MAP1LC3B2: variants seen among roughly 807,000 people sequenced by gnomAD.
MAP1LC3B2 encodes microtubule associated protein 1 light chain 3 beta 2, also known as microtubule-associated protein 1 light chain 3 beta 2.
For synonymous variants in MAP1LC3B2, 62 were observed against 57.8 expected (o/e 1.07, Z -0.33); for missense variants, 155 against 154.6 (o/e 1.00, Z -0.01).
At position 116,576,048 on chromosome 12, in the gene MAP1LC3B2, G is replaced by C. The variant is rs1298028000; in HGVS notation, c.106G>C (p.Glu36Gln). The C allele has an allele frequency of 3.1e-6, 5 of 1,614,096 alleles. No homozygotes were observed. Among genetic ancestry groups the C allele is most frequent in the African/African-American group, 2.7e-5 (2 of 74,924 alleles). The change falls in exon 2 of 2, where the codon GAA becomes CAA. Residue 36 changes from glutamate to glutamine, a missense_variant. Glu to Gln is a conservative substitution (Grantham distance 29). Coordinates refer to ENST00000556529, the MANE Select transcript of MAP1LC3B2 (RefSeq NM_001085481.3). ...QHPTKIPVIIERYKGEKQLPV... is the reference protein window; with the variant it reads ...QHPTKIPVIIQRYKGEKQLPV... ...TCCAACCAAAATCCCGGTGATAATA[G>C]AACGATACAAGGGTGAGAAGCAGCT...
At chr12:116,559,762 T>C (rs974113457) in intron 1 of MAP1LC3B2, 3 of 152,218 alleles carry the variant, frequency 2.0e-5, no homozygotes, top group African/African-American at 7.2e-5. Flanking sequence ...CCCTCCAGCA[T>C]ACTGGTCCAA....
intron 1 of MAP1LC3B2, among the ~76,000 whole-genome samples, chr12:116,573,713 C>G (rs1272357054): frequency 6.6e-6 from 1 of 152,110 alleles, no homozygotes; most frequent in Admixed American, 6.6e-5. Context: ...GATGGGGTTT[C>G]ACCATGTTGG....
chr12:116,560,193 T>C (rs1367439279), intron 1 of MAP1LC3B2: 55 of 1,776 alleles, frequency 0.031, no homozygotes, highest in Admixed American at 0.12. Flanking sequence ...TTTGGCTATA[T>C]ATATATATAT....
At chr12:116,565,469 G>C (rs1008829132) in intron 1 of MAP1LC3B2, among the ~76,000 whole-genome samples, 6 of 152,204 alleles carry the variant, frequency 3.9e-5, no homozygotes, top group Admixed American at 1.3e-4. Context: ...GTATGGGGGA[G>C]CCGCCCCCAT....
chr12:116,574,695 A>AT (rs921953619), intron 1 of MAP1LC3B2, among the ~76,000 whole-genome samples: 23 of 151,490 alleles, frequency 1.5e-4, no homozygotes, highest in Non-Finnish European at 3.2e-4. Context: ...ACATTTTTGT[A>AT]TTTTTTTAAT....
chr12:116,562,230 T>C (rs1258966670), intron 1 of MAP1LC3B2, among the ~76,000 whole-genome samples: 1 of 152,164 alleles, frequency 6.6e-6, no homozygotes, highest in African/African-American at 2.4e-5. Flanking sequence ...AGATAAAAGA[T>C]AGTGGGAGAG....
chr12:116,576,478 A>G lies in MAP1LC3B2; in HGVS notation c.*158A>G. 9.2e-7 allele frequency: 1 copy of G among 1,088,096 alleles called. No individual in the cohort carries two copies. The highest frequency in any genetic ancestry group is 1.3e-6 in the Non-Finnish European group (1 of 768,732). The allele number at this position is 1,088,096 out of a possible 1,614,324, so 67.4% of individuals were successfully genotyped here. A position where few individuals can be genotyped will look rare whatever the true frequency, so the allele number is the denominator to read the frequency against. On this transcript the variant is annotated 3_prime_UTR_variant, in exon 2 of 2. Transcript: ENST00000556529. ...GTTAGGAAGTTGTGTTTGTGTTTCA[A>G]GCAGAAAAACTGAGCTCCAAGTGAG...
chr12:116,566,718 G>C (rs1362206496), intron 1 of MAP1LC3B2, among the ~76,000 whole-genome samples: 1 of 150,146 alleles, frequency 6.7e-6, no homozygotes, highest in Non-Finnish European at 1.5e-5. Context: ...GATCACCTGA[G>C]GTCAGGAGTT....
chr12:116,564,199 G>A (rs1869334592), intron 1 of MAP1LC3B2, among the ~76,000 whole-genome samples: 1 of 151,874 alleles, frequency 6.6e-6, no homozygotes, highest in South Asian at 2.1e-4. Flanking sequence ...CATCATCTTT[G>A]TCATTTGGGG....
chr12:116,569,526 A>T (rs1869475887), intron 1 of MAP1LC3B2, among the ~76,000 whole-genome samples: 1 of 152,190 alleles, frequency 6.6e-6, no homozygotes, highest in Non-Finnish European at 1.5e-5. Flanking sequence ...AAGGACCATA[A>T]CTTGTTCATC....
At chr12:116,566,616 T>TAA (rs58530141) in intron 1 of MAP1LC3B2, among the ~76,000 whole-genome samples, 10,368 of 91,268 alleles carry the variant, frequency 0.11, 1,088 homozygotes, top group East Asian at 0.21. Flanking sequence ...AGTCAGTGAT[T>TAA]AAAAAAAAAA....
At chr12:116,567,283 C>T (rs1214349052) in intron 1 of MAP1LC3B2, among the ~76,000 whole-genome samples, 1 of 152,050 alleles carries the variant, frequency 6.6e-6, no homozygotes, top group Non-Finnish European at 1.5e-5. Context: ...CCCTCAGGTT[C>T]TCAACTTAGA....
intron 1 of MAP1LC3B2, among the ~76,000 whole-genome samples, chr12:116,560,256 A>G (rs12314334): frequency 0.015 from 2,131 of 140,056 alleles, 79 homozygotes; most frequent in African/African-American, 0.054. Context: ...GTATATGTAT[A>G]TATATATATT....
At chr12:116,572,395 C>T (rs1430664161) in intron 1 of MAP1LC3B2, among the ~76,000 whole-genome samples, 3 of 142,630 alleles carry the variant, frequency 2.1e-5, no homozygotes, top group South Asian at 2.2e-4. Flanking sequence ...GATGGAGTCT[C>T]GCTCTGTCGC....
chr12:116,566,971 A>G (rs1329675671), intron 1 of MAP1LC3B2, among the ~76,000 whole-genome samples: 1 of 136,314 alleles, frequency 7.3e-6, no homozygotes, highest in Non-Finnish European at 1.6e-5. Context: ...AAAAAAAAAA[A>G]GAATTGAGTT....
intron 1 of MAP1LC3B2, among the ~76,000 whole-genome samples, chr12:116,563,034 T>A (rs2136959181): frequency 6.6e-6 from 1 of 152,314 alleles, no homozygotes; most frequent in South Asian, 2.1e-4. Flanking sequence ...CGATCTCGGC[T>A]TACCACAACC....
rs149632491 is a variant in MAP1LC3B2 at position 116,576,077 on chromosome 12, T to A, written c.135T>A (p.Pro45=). Residue 45 remains proline (P), a synonymous_variant, in exon 2 of 2, where the codon CCT becomes CCA. Transcript: ENST00000556529. Reference sequence around the variant, plus strand: ...GATACAAGGGTGAGAAGCAGCTTCCTGTTCTGGATAAAACAAAGTTCCTTG... The same window carrying A: ...GATACAAGGGTGAGAAGCAGCTTCCAGTTCTGGATAAAACAAAGTTCCTTG... The part of the protein sequence containing the change: ...IERYKGEKQL[P]VLDKTKFLVP... 2.0e-4 allele frequency: 330 copies of A among 1,614,248 alleles called. 1 individual carries two copies. In the East Asian group the frequency reaches 7.1e-3, roughly 35 times the overall value.
chr12:116,571,029 A>C (rs1869515291), intron 1 of MAP1LC3B2, among the ~76,000 whole-genome samples: 1 of 152,194 alleles, frequency 6.6e-6, no homozygotes, highest in Non-Finnish European at 1.5e-5. Flanking sequence ...AATGTGCCTC[A>C]ATTCAGGTTA....
chr12:116,566,697 C>T (rs184494157), intron 1 of MAP1LC3B2, among the ~76,000 whole-genome samples: 2 of 147,602 alleles, frequency 1.4e-5, no homozygotes, highest in African/African-American at 2.5e-5. Flanking sequence ...TTTAGGAGAC[C>T]GAGTCAGGCA....
Sources: allele counts gnomAD v4.1 joint callset (sites outside exome capture counted in the v4.1 genomes callset), GRCh38; gene constraint gnomAD v4.1.1; transcripts MANE v1.5; gene names NCBI Gene and HGNC (gene_info 2026-07-23, HGNC 2026-07-21).